Variants in OCLN observed in about 807,000 individuals in gnomAD.
The protein encoded by OCLN is phosphatase 1, regulatory subunit 115.
Under a neutral mutation model 47.9 loss-of-function variants are expected in OCLN, and 21 were observed. That is an observed-to-expected ratio of 0.44 (90% CI 0.31 to 0.63). OCLN has a LOEUF of 0.63. Among genes scored for constraint, OCLN ranks in the 30% least tolerant of loss-of-function variants. The pLI, the probability that OCLN is intolerant of heterozygous loss-of-function variation, is 0.08. For synonymous variants in OCLN, 117 were observed against 198.4 expected, an observed-to-expected ratio of 0.59 and a Z score of 3.45; for missense variants, 360 against 571.0, an observed-to-expected ratio of 0.63 and a Z score of 3.77.
intron 4 of OCLN, among the ~76,000 whole-genome samples, chr5:69,533,381 G>A (rs888935509): frequency 6.6e-6 from 1 of 152,060 alleles, no homozygotes; most frequent in African/African-American, 2.4e-5. Flanking sequence ...AGGCAAAAAC[G>A]GGGCACAAGG....
intron 5 of OCLN, among the ~76,000 whole-genome samples, chr5:69,538,009 C>CT (rs200271483): frequency 3.3e-4 from 18 of 55,022 alleles, no homozygotes; most frequent in South Asian, 1.5e-3. Flanking sequence ...TGTTTCAACT[C>CT]TTTTTTTTTT....
chr5:69,512,814 T>A (rs1768823401), intron 3 of OCLN, among the ~76,000 whole-genome samples: 1 of 152,228 alleles, frequency 6.6e-6, no homozygotes, highest in Non-Finnish European at 1.5e-5. Flanking sequence ...AGAAACCTAC[T>A]TTAGTAACCA....
intron 4 of OCLN, among the ~76,000 whole-genome samples, chr5:69,516,358 G>C (rs548072448): frequency 1.3e-5 from 2 of 152,206 alleles, no homozygotes; most frequent in Admixed American, 1.3e-4. Flanking sequence ...CCAGTCAGGC[G>C]TGGTGGCGCG....
intron 4 of OCLN, among the ~76,000 whole-genome samples, chr5:69,533,038 T>C (rs191613182): frequency 0.076 from 10,890 of 142,838 alleles, 1,376 homozygotes; most frequent in African/African-American, 0.27. Context: ...CACACACACA[T>C]GTATATATAC....
intron 4 of OCLN, among the ~76,000 whole-genome samples, chr5:69,528,393 G>A (rs1284002330): frequency 2.1e-5 from 2 of 94,110 alleles, no homozygotes; most frequent in East Asian, 5.4e-4. Flanking sequence ...GTTCCTAAAC[G>A]CTGACCTAAA....
chr5:69,494,602 AGT>A (rs550618230), intron 1 of OCLN, among the ~76,000 whole-genome samples: 41 of 152,260 alleles, frequency 2.7e-4, no homozygotes, highest in Non-Finnish European at 5.6e-4. Flanking sequence ...CAATTTATTT[AGT>A]TATTAGGGGC....
chr5:69,500,246 A>G (rs1377993371), intron 1 of OCLN, among the ~76,000 whole-genome samples: 1 of 152,120 alleles, frequency 6.6e-6, no homozygotes, highest in Non-Finnish European at 1.5e-5. Flanking sequence ...CTGCCCACCC[A>G]CACAAGGATG....
At chr5:69,525,727 G>A (rs755565549) in intron 4 of OCLN, among the ~76,000 whole-genome samples, 7 of 152,096 alleles carry the variant, frequency 4.6e-5, no homozygotes, top group Non-Finnish European at 7.4e-5. Flanking sequence ...AGTCTATTGC[G>A]TGATCATTAG....
chr5:69,515,439 G>A (rs1470955066), intron 4 of OCLN, among the ~76,000 whole-genome samples: 2 of 134,774 alleles, frequency 1.5e-5, no homozygotes, highest in East Asian at 2.3e-4. Flanking sequence ...CAGACGGGGC[G>A]GCTGGCCGGG....
At chr5:69,496,670 T>G (rs1768303756) in intron 1 of OCLN, among the ~76,000 whole-genome samples, 1 of 151,012 alleles carries the variant, frequency 6.6e-6, no homozygotes, top group Admixed American at 6.6e-5. Context: ...CTTCCCAAAG[T>G]ACTGGGATTA....
chr5:69,494,106 C>T (rs1768223568), intron 1 of OCLN, among the ~76,000 whole-genome samples: 1 of 152,116 alleles, frequency 6.6e-6, no homozygotes, highest in Non-Finnish European at 1.5e-5. Flanking sequence ...TTTGGTGATT[C>T]TTGGTGTGAT....
intron 4 of OCLN, among the ~76,000 whole-genome samples, chr5:69,515,224 G>T (rs1319074824): frequency 2.0e-5 from 3 of 146,862 alleles, no homozygotes; most frequent in African/African-American, 7.5e-5. Flanking sequence ...CCCAGTAGGG[G>T]CGGCCGGGCA....
chr5:69,516,089 C>T (rs1408676433), intron 4 of OCLN, among the ~76,000 whole-genome samples: 2 of 151,108 alleles, frequency 1.3e-5, no homozygotes, highest in African/African-American at 2.4e-5. Flanking sequence ...ACTTCCCAGA[C>T]GGGGTGGCGG....
At chr5:69,503,042 G>C (rs1373901585) in intron 1 of OCLN, among the ~76,000 whole-genome samples, 1 of 152,146 alleles carries the variant, frequency 6.6e-6, no homozygotes, top group Admixed American at 6.5e-5. Context: ...GACCCTCTTT[G>C]CATCTGTAAA....
chr5:69,532,357 C>T (rs771506165), intron 4 of OCLN, among the ~76,000 whole-genome samples: 1 of 152,154 alleles, frequency 6.6e-6, no homozygotes, highest in Non-Finnish European at 1.5e-5. Context: ...ATCTCAGCCT[C>T]CCGAGTAGCT....
chr5:69,494,432 C>T (rs1231073626), intron 1 of OCLN, among the ~76,000 whole-genome samples: 5 of 152,206 alleles, frequency 3.3e-5, no homozygotes, highest in Non-Finnish European at 2.9e-5. Context: ...GTGATTCGCC[C>T]GCCTTGGCCT....
intron 7 of OCLN, among the ~76,000 whole-genome samples, chr5:69,549,922 A>G (rs999260664): frequency 4.6e-5 from 7 of 151,040 alleles, no homozygotes; most frequent in Non-Finnish European, 8.9e-5. Flanking sequence ...TCTTTAAAAA[A>G]AAAACAAACA....
chr5:69,518,354 T>A (rs1371438750), intron 4 of OCLN, among the ~76,000 whole-genome samples: 1 of 152,226 alleles, frequency 6.6e-6, no homozygotes, highest in Non-Finnish European at 1.5e-5. Flanking sequence ...TAATGTTTTA[T>A]GTGATTCTTA....
chr5:69,514,732 G>A (rs989199912), intron 4 of OCLN, among the ~76,000 whole-genome samples: 1 of 151,762 alleles, frequency 6.6e-6, no homozygotes. Context: ...GACTCTTAAC[G>A]AGCATACTGC....
Sources: gnomAD v4.1 joint callset for allele counts (sites outside exome capture counted in the v4.1 genomes callset) on GRCh38, gnomAD v4.1.1 for gene constraint, MANE v1.5 for transcripts, NCBI Gene and HGNC (gene_info 2026-07-23, HGNC 2026-07-21) for gene names.